Variants in RGS6 observed in about 807,000 individuals in gnomAD.
RGS6 encodes the protein regulator of G protein signaling 6, also known as regulator of G-protein signaling 6.
A neutral mutation model predicts 78.5 loss-of-function variants in RGS6; 30 were observed. The ratio of observed to expected loss-of-function variants is 0.38; its 90% CI spans 0.29 to 0.52. The LOEUF (loss-of-function observed/expected upper bound fraction) is 0.52. Among genes scored for constraint, RGS6 ranks in the 20% least tolerant of loss-of-function variants. The pLI is 0.85. For missense variants in RGS6, 495 were observed against 609.7 expected, an observed-to-expected ratio of 0.81 and a Z score of 1.98; for synonymous variants, 206 against 206.0, an observed-to-expected ratio of 1.00 and a Z score of 0.00.
rs1018073914 is a variant in RGS6, at chr14:72,006,123, G to A, written c.84+41248G>A. On this transcript the variant is annotated intron_variant, in intron 2 of 17. Transcript: ENST00000553525. ...TTCCTATAGGCAGGAGCTCTTCAAT[G>A]TGTCTGACAAATCTCATCTATCCTT... 3.3e-5 allele frequency among the ~76,000 whole-genome samples: 5 copies of A among 152,256 alleles called. No homozygotes were observed. The East Asian group carries it at 7.7e-4, about 24-fold the overall frequency.
chr14:71,889,847 T>C, the RGS6 span, among the ~76,000 whole-genome samples: 2 of 152,182 alleles, frequency 1.3e-5, no homozygotes, highest in East Asian at 1.9e-4. Flanking sequence ...ATTCTCATGA[T>C]GCTGAGTGAG....
At chr14:72,107,303 A>G (rs1161374108) in intron 2 of RGS6, among the ~76,000 whole-genome samples, 1 of 152,318 alleles carries the variant, frequency 6.6e-6, no homozygotes, top group East Asian at 1.9e-4. Context: ...AACCGTAGCA[A>G]ATCATCCCTA....
intron 2 of RGS6, among the ~76,000 whole-genome samples, chr14:71,998,279 G>A (rs2082759919): frequency 6.6e-6 from 1 of 152,218 alleles, no homozygotes; most frequent in African/African-American, 2.4e-5. Flanking sequence ...TGAGTGAGCA[G>A]AGGGATGACT....
At chr14:72,251,707 G>C (rs1167898153) in intron 2 of RGS6, among the ~76,000 whole-genome samples, 1 of 152,180 alleles carries the variant, frequency 6.6e-6, no homozygotes, top group Non-Finnish European at 1.5e-5. Flanking sequence ...GGGACTACTA[G>C]AGGGGAGGAT....
chr14:72,148,331 G>A (rs888792137), intron 2 of RGS6, among the ~76,000 whole-genome samples: 4 of 151,980 alleles, frequency 2.6e-5, no homozygotes, highest in Non-Finnish European at 4.4e-5. Context: ...CCATGAGTTC[G>A]AGGCTGCAGT....
chr14:72,026,760 T>C (rs1293781790), intron 2 of RGS6, among the ~76,000 whole-genome samples: 2 of 152,220 alleles, frequency 1.3e-5, no homozygotes. Flanking sequence ...GAGCAATGTA[T>C]TCAGCCTTGG....
At chr14:71,952,011 G>A (rs757353624) in intron 1 of RGS6, among the ~76,000 whole-genome samples, 1 of 152,130 alleles carries the variant, frequency 6.6e-6, no homozygotes, top group African/African-American at 2.4e-5. Context: ...TGGTGCAAAA[G>A]TAATTGCATT....
rs555903972 is a variant in RGS6, at chr14:71,981,864, G to C, written c.84+16989G>C. The stretch of plus-strand genomic sequence containing the variant: ...GTTTACCTAAGCAAGCCTGGGCAAT[G>C]GTGGGCACCCCTCCCCCAGCCTCGT... On this transcript the variant is annotated intron_variant, in intron 2 of 17. Transcript: ENST00000553525. Among the ~76,000 whole-genome samples, 6 of 146,448 alleles carry C rather than the reference G, an allele frequency of 4.1e-5. No homozygotes were observed. The East Asian group carries it at 1.0e-3, about 25-fold the overall frequency.
At chr14:72,405,183 T>C (rs145509239) in intron 3 of RGS6, among the ~76,000 whole-genome samples, 324 of 152,304 alleles carry the variant, frequency 2.1e-3, no homozygotes, top group African/African-American at 7.6e-3. Context: ...ACCAGCAAAG[T>C]GGCAGGAATG....
At chr14:72,216,898 G>GA (rs1018821731) in intron 2 of RGS6, among the ~76,000 whole-genome samples, 4 of 151,940 alleles carry the variant, frequency 2.6e-5, no homozygotes, top group Non-Finnish European at 5.9e-5. Flanking sequence ...GGTTTTGGAG[G>GA]AAAAAAATTT....
chr14:72,471,672 A>C (rs10150895), intron 8 of RGS6, among the ~76,000 whole-genome samples: 1,815 of 152,110 alleles, frequency 0.012, 37 homozygotes, highest in African/African-American at 0.042. Context: ...ACCTCCCCCC[A>C]CAGTCTCTGC....
chr14:72,055,338 A>G (rs755974048), intron 2 of RGS6, among the ~76,000 whole-genome samples: 1 of 151,932 alleles, frequency 6.6e-6, no homozygotes, highest in Non-Finnish European at 1.5e-5. Flanking sequence ...TTTTGTGTTT[A>G]TAAATCTACT....
chr14:72,287,527 A>T (rs780970371), intron 2 of RGS6, among the ~76,000 whole-genome samples: 1 of 152,012 alleles, frequency 6.6e-6, no homozygotes, highest in Non-Finnish European at 1.5e-5. Context: ...CGTGATCTAG[A>T]CTTACTGCAG....
At chr14:71,947,721 AATT>A (rs2091744447) in intron 1 of RGS6, among the ~76,000 whole-genome samples, 1 of 152,126 alleles carries the variant, frequency 6.6e-6, no homozygotes, top group Non-Finnish European at 1.5e-5. Context: ...TATATTTTCT[AATT>A]ATTCTTAAAA....
chr14:72,449,257 ATAAT>A (rs1196313671), intron 3 of RGS6, among the ~76,000 whole-genome samples: 5 of 152,212 alleles, frequency 3.3e-5, no homozygotes, highest in Admixed American at 6.5e-5. Context: ...GTCAAGATTG[ATAAT>A]TAGTTTATGA....
At chr14:71,873,254 A>G in the RGS6 span, among the ~76,000 whole-genome samples, 12 of 152,302 alleles carry the variant, frequency 7.9e-5, no homozygotes, top group African/African-American at 2.9e-4. Context: ...TCACAGTCCC[A>G]CAAACAGTGT....
chr14:71,911,998 G>A, the RGS6 span, among the ~76,000 whole-genome samples: 101 of 152,244 alleles, frequency 6.6e-4, no homozygotes, highest in African/African-American at 2.4e-3. Context: ...ACATCTAAAC[G>A]CATTAAAATT....
chr14:72,105,124 C>G (rs2095606925), intron 2 of RGS6, among the ~76,000 whole-genome samples: 1 of 152,136 alleles, frequency 6.6e-6, no homozygotes, highest in African/African-American at 2.4e-5. Flanking sequence ...TATTGAGTAT[C>G]AGGCATCAGC....
intron 3 of RGS6, among the ~76,000 whole-genome samples, chr14:72,390,121 A>G (rs954309880): frequency 3.5e-5 from 5 of 144,856 alleles, no homozygotes; most frequent in Admixed American, 6.9e-5. Flanking sequence ...TAACTGAGAC[A>G]GAGTCTCGCT....
Sources: gnomAD v4.1 joint callset for allele counts (sites outside exome capture counted in the v4.1 genomes callset) on GRCh38, gnomAD v4.1.1 for gene constraint, MANE v1.5 for transcripts, NCBI Gene and HGNC (gene_info 2026-07-23, HGNC 2026-07-21) for gene names.